GABRB3: variants seen among roughly 807,000 people sequenced by gnomAD.
GABRB3 encodes gamma-aminobutyric acid receptor subunit beta-3.
Under a neutral mutation model 52.1 loss-of-function variants are expected in GABRB3, and 14 were observed. The observed-to-expected ratio is 0.27, with a 90% CI of 0.18 to 0.42. GABRB3 has a LOEUF of 0.42. Among genes scored for constraint, GABRB3 ranks in the 10% least tolerant of loss-of-function variants. The pLI, the probability that GABRB3 is intolerant of heterozygous loss-of-function variation, is 1.00. For synonymous variants in GABRB3, 260 were observed against 232.3 expected (o/e 1.12, Z -1.08); for missense variants, 307 against 609.1 (o/e 0.50, Z 5.22).
chr15:26,741,615 G>C (rs369639988), intron 3 of GABRB3, among the ~76,000 whole-genome samples: 3 of 152,114 alleles, frequency 2.0e-5, no homozygotes, highest in African/African-American at 7.2e-5. Flanking sequence ...ATTTTCGTTT[G>C]TCTGTTTTTT....
At chr15:26,689,784 A>T (rs1219279770) in intron 3 of GABRB3, among the ~76,000 whole-genome samples, 1 of 152,144 alleles carries the variant, frequency 6.6e-6, no homozygotes, top group Non-Finnish European at 1.5e-5. Context: ...GCTGTCTGCC[A>T]TCAGCGGTGA....
upstream of GABRB3, chr15:26,773,735 C>T (rs1414120311): frequency 1.3e-6 from 2 of 1,557,672 alleles, no homozygotes; most frequent in Non-Finnish European, 1.7e-6. Context: ...GGCGCTGTTC[C>T]TCCGGCCTAA....
intron 3 of GABRB3, among the ~76,000 whole-genome samples, chr15:26,729,359 C>T: frequency 6.6e-6 from 1 of 152,218 alleles, no homozygotes; most frequent in East Asian, 1.9e-4. Context: ...CCTCCACCTT[C>T]CCCCTCCTTG....
chr15:26,741,251 A>C (rs775696244), intron 3 of GABRB3, among the ~76,000 whole-genome samples: 120 of 152,150 alleles, frequency 7.9e-4, no homozygotes, highest in Admixed American at 1.4e-3. Flanking sequence ...TATGATGAAT[A>C]GTTGCTTTCA....
At chr15:26,764,530 A>G (rs773674893) in intron 3 of GABRB3, among the ~76,000 whole-genome samples, 2 of 152,108 alleles carry the variant, frequency 1.3e-5, no homozygotes, top group African/African-American at 2.4e-5. Context: ...ACGTTTACAC[A>G]TGGCTTCTAA....
chr15:26,571,845 C>G (rs78720765), intron 6 of GABRB3, among the ~76,000 whole-genome samples: 2 of 151,964 alleles, frequency 1.3e-5, no homozygotes, highest in Admixed American at 6.6e-5. Flanking sequence ...GTCAAGAGAT[C>G]GAGACCATCC....
chr15:26,741,578 G>A (rs997480453), intron 3 of GABRB3, among the ~76,000 whole-genome samples: 2 of 152,044 alleles, frequency 1.3e-5, no homozygotes, highest in African/African-American at 4.8e-5. Flanking sequence ...ATTTATGACT[G>A]CAGCATCATG....
intron 3 of GABRB3, among the ~76,000 whole-genome samples, chr15:26,710,111 C>T (rs924716091): frequency 6.6e-6 from 1 of 152,150 alleles, no homozygotes; most frequent in Non-Finnish European, 1.5e-5. Flanking sequence ...GTTGCATGTA[C>T]CTTCTCTTTA....
At chr15:26,669,391 G>A (rs536570656) in intron 3 of GABRB3, among the ~76,000 whole-genome samples, 23 of 152,270 alleles carry the variant, frequency 1.5e-4, no homozygotes, top group African/African-American at 5.3e-4. Context: ...TATCTTCCTC[G>A]TTGATGTGCA....
chr15:26,630,009 G>A (rs925823178), intron 3 of GABRB3, among the ~76,000 whole-genome samples: 3 of 152,002 alleles, frequency 2.0e-5, no homozygotes, highest in Non-Finnish European at 2.9e-5. Context: ...GGCAATGAGA[G>A]GTCCTGGCAC....
At chr15:26,659,704 A>G (rs2140608129) in intron 3 of GABRB3, among the ~76,000 whole-genome samples, 1 of 152,302 alleles carries the variant, frequency 6.6e-6, no homozygotes, top group Non-Finnish European at 1.5e-5. Flanking sequence ...ATGAGGAAGA[A>G]ATACATGTTC....
intron 3 of GABRB3, among the ~76,000 whole-genome samples, chr15:26,732,773 G>A (rs993185253): frequency 8.5e-5 from 13 of 152,202 alleles, no homozygotes; most frequent in African/African-American, 2.6e-4. Flanking sequence ...GGTGGATCGC[G>A]AGGTCAGGAG....
intron 3 of GABRB3, among the ~76,000 whole-genome samples, chr15:26,697,555 C>T (rs941165451): frequency 6.6e-6 from 1 of 152,094 alleles, no homozygotes; most frequent in Admixed American, 6.5e-5. Flanking sequence ...GAAGCAGGAC[C>T]TCAGATAATG....
chr15:26,746,683 C>T (rs1015091391), intron 3 of GABRB3, among the ~76,000 whole-genome samples: 6 of 151,212 alleles, frequency 4.0e-5, no homozygotes, highest in Non-Finnish European at 8.8e-5. Context: ...TGCTTTGGAA[C>T]CTTTGTTAAA....
intron 3 of GABRB3, among the ~76,000 whole-genome samples, chr15:26,676,404 C>G (rs1484464457): frequency 6.6e-6 from 1 of 152,150 alleles, no homozygotes; most frequent in Non-Finnish European, 1.5e-5. Flanking sequence ...AAGGAGTGGA[C>G]AGGCTCCCAG....
chr15:26,674,562 C>T (rs549503443), intron 3 of GABRB3, among the ~76,000 whole-genome samples: 30 of 151,938 alleles, frequency 2.0e-4, no homozygotes, highest in African/African-American at 6.8e-4. Context: ...GTACTTGCGG[C>T]ATTGAAATTC....
At chr15:26,772,603 C>A (rs1891181296) in intron 2 of GABRB3, 78 bp downstream of exon 2, 2 of 1,428,092 alleles carry the variant, frequency 1.4e-6, no homozygotes, top group Admixed American at 2.4e-5. Context: ...TCCGCGGATG[C>A]GGCCCCCGCC....
At chr15:26,749,939 TC>T (rs1890457168) in intron 3 of GABRB3, 1 of 152,242 alleles carries the variant, frequency 6.6e-6, no homozygotes. Flanking sequence ...TTCAGATTCT[TC>T]CTGTGTTTAT....
chr15:26,674,526 C>T (rs945648447), intron 3 of GABRB3, among the ~76,000 whole-genome samples: 1 of 150,796 alleles, frequency 6.6e-6, no homozygotes, highest in African/African-American at 2.4e-5. Flanking sequence ...AAACTATGCA[C>T]GCAGCAGAGA....
Sources: gnomAD v4.1 joint callset for allele counts (sites outside exome capture counted in the v4.1 genomes callset) on GRCh38, gnomAD v4.1.1 for gene constraint, MANE v1.5 for transcripts, NCBI Gene and HGNC (gene_info 2026-07-23, HGNC 2026-07-21) for gene names.